QSOX2: variants seen among roughly 807,000 people sequenced by gnomAD.
QSOX2 encodes sulfhydryl oxidase 2.
Under a neutral mutation model 61.7 loss-of-function variants are expected in QSOX2, and 46 were observed. That is an observed-to-expected ratio of 0.75 (90% CI 0.59 to 0.95). QSOX2 has a LOEUF of 0.95. Ranked by LOEUF, QSOX2 falls within the 40% of genes least tolerant of loss-of-function variation. The pLI, the probability that QSOX2 is intolerant of heterozygous loss-of-function variation, is 0.00. For synonymous variants in QSOX2, 383 were observed against 388.4 expected, an observed-to-expected ratio of 0.99 and a Z score of 0.16; for missense variants, 879 against 918.9, an observed-to-expected ratio of 0.96 and a Z score of 0.56.
chr9:136,223,349 G>C lies in QSOX2; in HGVS notation c.675+414C>G, dbSNP rs867990234. 7.9e-5 allele frequency among the ~76,000 whole-genome samples: 12 copies of C among 152,216 alleles called. 1 individual carries two copies. The South Asian group carries it at 2.3e-3, about 29-fold the overall frequency. ...CGTGTGAAATCAAAGTATGACGATAGAAACGACGTTTTACAGAATCTTGGA... is the reference window on the plus strand; with the variant it reads ...CGTGTGAAATCAAAGTATGACGATACAAACGACGTTTTACAGAATCTTGGA... On this transcript the variant is annotated intron_variant, in intron 5 of 11. Transcript: ENST00000358701. This position sits in a 1 kb window ranked among gnomAD's most constrained non-coding sequence, Gnocchi z 4.4.
At chr9:136,228,005 C>T (rs140013076) in intron 1 of QSOX2, among the ~76,000 whole-genome samples, 403 of 152,204 alleles carry the variant, frequency 2.6e-3, no homozygotes, top group Non-Finnish European at 4.3e-3. Flanking sequence ...GAATCAAGAT[C>T]CCAGCGAGGC....
chr9:136,234,682 A>T (rs1830363319), intron 1 of QSOX2, among the ~76,000 whole-genome samples: 1 of 152,110 alleles, frequency 6.6e-6, no homozygotes, highest in South Asian at 2.1e-4. Flanking sequence ...GCAGGTGGAG[A>T]CGGAAGCAGG....
chr9:136,220,643 C>G (rs1831969911), intron 6 of QSOX2, among the ~76,000 whole-genome samples: 1 of 151,326 alleles, frequency 6.6e-6, no homozygotes, highest in African/African-American at 2.4e-5. Flanking sequence ...GTCCTTCTCC[C>G]CAAGGTGAGG....
rs1403374031 is a variant in QSOX2, at chr9:136,222,347, C to T, written c.676-406G>A. Among the ~76,000 whole-genome samples the T allele has an allele frequency of 6.6e-6, 1 of 152,174 alleles. No homozygotes were observed. Among genetic ancestry groups the T allele is most frequent in the African/African-American group, 2.4e-5 (1 of 41,436 alleles). On this transcript the variant is annotated intron_variant, in intron 5 of 11. Transcript: ENST00000358701. The surrounding 1 kb of genome is among the most constrained non-coding windows in gnomAD (Gnocchi z 6.9). ...CGGGGCAGCAGGCCTCGTGCTGCCG[C>T]TCCTCCCCAGCCACCCTGCTCCTGT...
chr9:136,232,939 G>GAAAAA (rs1830345155), intron 1 of QSOX2, among the ~76,000 whole-genome samples: 5 of 127,188 alleles, frequency 3.9e-5, no homozygotes, highest in Admixed American at 3.1e-4. Context: ...AAAAAAAAAA[G>GAAAAA]AAAAAAGAAA....
At position 136,222,709 on chromosome 9, in the gene QSOX2, C is replaced by T. The variant is rs759046670; in HGVS notation, c.676-768G>A. 7.9e-5 allele frequency among the ~76,000 whole-genome samples: 12 copies of T among 152,210 alleles called. No individual in the cohort carries two copies. Among genetic ancestry groups the T allele is most frequent in the Admixed American group, 3.9e-4 (6 of 15,294 alleles). ...CTCCTCCTGCACGAGTGGAGCCTGG[C>T]TGCCCCGAACGCACCAGCATGCCAG... On this transcript the variant is annotated intron_variant, in intron 5 of 11. Coordinates refer to ENST00000358701, the MANE Select transcript of QSOX2 (RefSeq NM_181701.4). This position sits in a 1 kb window ranked among gnomAD's most constrained non-coding sequence, Gnocchi z 6.9.
Position 136,216,614 on chromosome 9 carries a change from T to A in QSOX2, c.1195A>T (p.Asn399Tyr). The A allele has an allele frequency of 6.2e-7, 1 of 1,613,880 alleles. No homozygotes were observed. ...IPYNAVLDLV[N>Y]NKMRISGIFL... ...CTGGGGCTCACCCGCATCTTGTTGT[T>A]GACCAGGTCAAGCACGGCGTTGTAG... Residue 399 changes from asparagine (N) to tyrosine (Y), a missense_variant, in exon 9 of 12, where the codon AAC (asparagine) becomes TAC (tyrosine). By Grantham distance (143) the Asn-to-Tyr change is moderately radical (BLOSUM62 -2). Coordinates refer to ENST00000358701, the MANE Select transcript of QSOX2 (RefSeq NM_181701.4).
At chr9:136,220,554 G>A (rs929350967) in intron 6 of QSOX2, among the ~76,000 whole-genome samples, 1 of 152,202 alleles carries the variant, frequency 6.6e-6, no homozygotes, top group Non-Finnish European at 1.5e-5. Context: ...GAAGCCTGCA[G>A]GTGCTGCAAC....
At chr9:136,245,450 G>A in intron 1 of QSOX2, 26 bp downstream of exon 1, 3 of 1,568,342 alleles carry the variant, frequency 1.9e-6, no homozygotes, top group South Asian at 1.1e-5. Context: ...GGGGTCGGGG[G>A]GTCCCCGCGC....
At chr9:136,210,437 G>C in intron 11 of QSOX2, 1 of 985,420 alleles carries the variant, frequency 1.0e-6, no homozygotes, top group Non-Finnish European at 1.2e-6. Flanking sequence ...GGCCTGGCGA[G>C]GGTCCTGGTC....
intron 1 of QSOX2, among the ~76,000 whole-genome samples, chr9:136,241,119 G>A (rs935043859): frequency 5.9e-5 from 9 of 152,210 alleles, no homozygotes; most frequent in African/African-American, 2.2e-4. Flanking sequence ...GGAGGCCAGC[G>A]GGGAGCCCGG....
chr9:136,225,009 C>A, intron 2 of QSOX2, 100 bp from the exon 3 acceptor site: 1 of 727,136 alleles, frequency 1.4e-6, no homozygotes, highest in Non-Finnish European at 2.2e-6. Flanking sequence ...GAGCTTTACT[C>A]AATTTCCTTC....
At chr9:136,244,057 GA>G (rs11339196) in intron 1 of QSOX2, among the ~76,000 whole-genome samples, 1,597 of 145,550 alleles carry the variant, frequency 0.011, 25 homozygotes, top group African/African-American at 0.037. Flanking sequence ...CGACTCAACT[GA>G]AAAAAAAAAA....
chr9:136,218,515 G>A (rs73560711), intron 8 of QSOX2, among the ~76,000 whole-genome samples, 164 bp downstream of exon 8: 1,824 of 152,360 alleles, frequency 0.012, 25 homozygotes, highest in African/African-American at 0.042. Context: ...GGAGGCACTC[G>A]GGAAATGGGT....
At position 136,215,188 on chromosome 9, in the gene QSOX2, T is replaced by G; in HGVS notation, c.1326A>C (p.Glu442Asp). Residue 442 changes from glutamate to aspartate, a missense_variant, in exon 10 of 12, where the codon GAA becomes GAC. Coordinates refer to ENST00000358701, the MANE Select transcript of QSOX2 (RefSeq NM_181701.4). ...LWKLFHTLTV[E>D]ASTHPDALVG... ...CCAGTGCATCTGGGTGGGTCGAGGC[T>G]TCAACAGTCAAAGTGTGGAACAGTT... 1 of 1,614,060 alleles carries G rather than the reference T, an allele frequency of 6.2e-7. No homozygotes were observed. Among genetic ancestry groups the G allele is most frequent in the Non-Finnish European group, 8.5e-7 (1 of 1,180,034 alleles).
At chr9:136,230,755 G>A (rs1830322245) in intron 1 of QSOX2, among the ~76,000 whole-genome samples, 1 of 152,198 alleles carries the variant, frequency 6.6e-6, no homozygotes, top group South Asian at 2.1e-4. Flanking sequence ...GAACCGAGCT[G>A]GAAGGCGCCT....
Position 136,224,905 on chromosome 9 carries a change from AAAT to A in QSOX2, c.431_433del (p.Tyr144del). The A allele has an allele frequency of 6.2e-7, 1 of 1,604,726 alleles. No individual in the cohort carries two copies. On this transcript the variant is annotated inframe_deletion and splice_region_variant, in exon 3 of 12. Transcript: ENST00000358701. ...TGTAAACTCCTTTGTAAATGCTTTA[AAAT>A]ACTAAGAGGAAAAACACAGAACAAG...
chr9:136,215,794 C>T (rs1159590429), intron 9 of QSOX2, among the ~76,000 whole-genome samples: 2 of 152,210 alleles, frequency 1.3e-5, no homozygotes, highest in Non-Finnish European at 2.9e-5. Flanking sequence ...GCAGATTCCG[C>T]TGGGTTTGGT....
In QSOX2 at chr9:136,223,738, C is replaced by T; in HGVS notation, c.675+25G>A. On this transcript the variant is annotated intron_variant, in intron 5 of 11. Transcript: ENST00000358701. The surrounding 1 kb of genome is among the most constrained non-coding windows in gnomAD (Gnocchi z 4.4). ...AACCCCAATCACACCACGTGTGACA[C>T]CTGGAGCCCACGCAGAGGCCGTACC... 1.9e-6 allele frequency: 3 copies of T among 1,599,050 alleles called. No homozygotes were observed. Among genetic ancestry groups the T allele is most frequent in the Non-Finnish European group, 2.6e-6 (3 of 1,167,806 alleles).
Sources: allele counts gnomAD v4.1 joint callset (sites outside exome capture counted in the v4.1 genomes callset), GRCh38; gene constraint gnomAD v4.1.1; non-coding constraint Gnocchi (gnomAD v3.1); transcripts MANE v1.5; gene names NCBI Gene and HGNC (gene_info 2026-07-23, HGNC 2026-07-21).